Variants in XKR9 observed in about 807,000 individuals in gnomAD.
XKR9 encodes the protein XK-related protein 9.
In XKR9, 32 loss-of-function variants were observed where a neutral mutation model predicts 32.0. That is an observed-to-expected ratio of 1.00 (90% CI 0.76 to 1.34). XKR9 has a LOEUF of 1.34. Among genes scored for constraint, XKR9 ranks in the 40% most tolerant of loss-of-function variants. The probability of loss-of-function intolerance (pLI) is 0.00; values close to 1 mark genes in which losing one functional copy is unlikely to be tolerated. For synonymous variants in XKR9, 168 were observed against 143.4 expected, an observed-to-expected ratio of 1.17 and a Z score of -1.22; for missense variants, 546 against 429.7, an observed-to-expected ratio of 1.27 and a Z score of -2.39.
At chr8:70,805,500 C>T in the XKR9 span, among the ~76,000 whole-genome samples, 4 of 152,186 alleles carry the variant, frequency 2.6e-5, no homozygotes, top group African/African-American at 7.2e-5. Context: ...CTGCCTAACA[C>T]GCTAAGCTCC....
the XKR9 span, among the ~76,000 whole-genome samples, chr8:70,796,721 A>G: frequency 6.6e-6 from 1 of 152,206 alleles, no homozygotes; most frequent in Non-Finnish European, 1.5e-5. Flanking sequence ...GCTTCATTTT[A>G]AAATTAAATA....
chr8:70,742,488 C>T (rs1807002121), intron 2 of XKR9, among the ~76,000 whole-genome samples: 1 of 152,082 alleles, frequency 6.6e-6, no homozygotes. Context: ...TGAAAGTGTT[C>T]TTCGTTTTTT....
chr8:70,986,977 G>A, the XKR9 span, among the ~76,000 whole-genome samples: 1 of 152,186 alleles, frequency 6.6e-6, no homozygotes, highest in Non-Finnish European at 1.5e-5. Flanking sequence ...GGAGAATGAC[G>A]AAGATGCAAA....
At chr8:70,844,358 C>T in the XKR9 span, among the ~76,000 whole-genome samples, 96 of 152,250 alleles carry the variant, frequency 6.3e-4, no homozygotes, top group Non-Finnish European at 8.4e-4. Flanking sequence ...CTACTGCCAC[C>T]GCTGAAGGCC....
downstream of XKR9, among the ~76,000 whole-genome samples, chr8:70,739,741 G>T (rs1210008478): frequency 6.6e-6 from 1 of 152,122 alleles, no homozygotes; most frequent in Non-Finnish European, 1.5e-5. Flanking sequence ...TAGTTTGTCT[G>T]GATATGAAAT....
chr8:71,031,672 A>G, the XKR9 span, among the ~76,000 whole-genome samples: 1 of 152,216 alleles, frequency 6.6e-6, no homozygotes, highest in Admixed American at 6.5e-5. Context: ...GAATAATGAA[A>G]TCCTTGAGTG....
the XKR9 span, among the ~76,000 whole-genome samples, chr8:71,042,026 C>T: frequency 6.6e-6 from 1 of 152,006 alleles, no homozygotes; most frequent in African/African-American, 2.4e-5. Context: ...GATGCCATAG[C>T]ATTGGGAGGG....
the XKR9 span, among the ~76,000 whole-genome samples, chr8:71,063,236 C>G: frequency 6.6e-6 from 1 of 152,280 alleles, no homozygotes; most frequent in African/African-American, 2.4e-5. Flanking sequence ...CCCAAAGAGT[C>G]TGGGGTGAGG....
the XKR9 span, among the ~76,000 whole-genome samples, chr8:70,811,339 GA>G: frequency 6.6e-6 from 1 of 152,096 alleles, no homozygotes; most frequent in Admixed American, 6.5e-5. Flanking sequence ...GAGAAAGCAG[GA>G]AAGATCTACA....
chr8:70,833,856 A>G, the XKR9 span, among the ~76,000 whole-genome samples: 1 of 152,200 alleles, frequency 6.6e-6, no homozygotes, highest in Non-Finnish European at 1.5e-5. Flanking sequence ...CATAGAAGCC[A>G]ATACATGGTC....
chr8:70,804,018 T>G, the XKR9 span, among the ~76,000 whole-genome samples: 3 of 152,222 alleles, frequency 2.0e-5, no homozygotes, highest in Admixed American at 6.5e-5. Flanking sequence ...CTCTTTGAGT[T>G]GCCATAGAAG....
chr8:70,946,627 C>T, the XKR9 span, among the ~76,000 whole-genome samples: 1 of 152,144 alleles, frequency 6.6e-6, no homozygotes, highest in African/African-American at 2.4e-5. Context: ...ACTGTAAAGC[C>T]CCTGTTCCTC....
At chr8:71,007,241 G>A in the XKR9 span, among the ~76,000 whole-genome samples, 1 of 152,204 alleles carries the variant, frequency 6.6e-6, no homozygotes, top group African/African-American at 2.4e-5. Context: ...ATAATCCTGG[G>A]AGGGAATTCA....
the XKR9 span, among the ~76,000 whole-genome samples, chr8:70,977,154 T>G: frequency 6.6e-6 from 1 of 152,078 alleles, no homozygotes; most frequent in African/African-American, 2.4e-5. Context: ...TTTGTTCTTT[T>G]GGTTCTTTTT....
chr8:70,921,089 C>A, the XKR9 span, among the ~76,000 whole-genome samples: 2 of 152,196 alleles, frequency 1.3e-5, no homozygotes, highest in Non-Finnish European at 2.9e-5. Flanking sequence ...TTAATAAATG[C>A]AAGTCCTAAT....
chr8:70,936,151 C>A, the XKR9 span, among the ~76,000 whole-genome samples: 1 of 151,912 alleles, frequency 6.6e-6, no homozygotes, highest in Admixed American at 6.6e-5. Context: ...ACAATAAGGT[C>A]AGAAATGATA....
chr8:70,707,042 GTGAC>G lies in XKR9; in HGVS notation c.386_389del (p.Thr129IlefsTer2). ...TCTACATAAAGAAGTTATAGATAGAGTGACTGATTTGAGCATGCTCAGACTATTT... is the reference window on the plus strand; with the variant it reads ...TCTACATAAAGAAGTTATAGATAGAGTGATTTGAGCATGCTCAGACTATTT... On this transcript the variant is annotated frameshift_variant, in exon 4 of 5. Transcript: ENST00000408926. LOFTEE classifies it high-confidence loss of function. The G allele has an allele frequency of 1.2e-6, 2 of 1,613,482 alleles. No individual in the cohort carries two copies. The highest frequency in any genetic ancestry group is 1.7e-6 in the Non-Finnish European group (2 of 1,179,518).
intron 2 of XKR9, among the ~76,000 whole-genome samples, chr8:70,762,734 G>T (rs550948475): frequency 5.9e-5 from 9 of 152,090 alleles, no homozygotes; most frequent in Non-Finnish European, 7.4e-5. Flanking sequence ...TTTTGTTCTA[G>T]GTGCAGTGCT....
intron 4 of XKR9, among the ~76,000 whole-genome samples, chr8:70,719,107 T>C (rs1806189156): frequency 6.6e-6 from 1 of 152,198 alleles, no homozygotes; most frequent in South Asian, 2.1e-4. Context: ...TGGCCACATG[T>C]CTTCTTTTGA....
Sources: gnomAD v4.1 joint callset for allele counts (sites outside exome capture counted in the v4.1 genomes callset) on GRCh38, gnomAD v4.1.1 for gene constraint, MANE v1.5 for transcripts, NCBI Gene and HGNC (gene_info 2026-07-23, HGNC 2026-07-21) for gene names.